The following SCFD2 variants were observed in gnomAD, a reference collection of about 807,000 sequenced individuals.
SCFD2 encodes sec1 family domain-containing protein 2.
A neutral mutation model predicts 58.9 loss-of-function variants in SCFD2; 54 were observed. The observed-to-expected ratio is 0.92, with a 90% CI of 0.74 to 1.15. The LOEUF (loss-of-function observed/expected upper bound fraction) is 1.15, where lower values mean the gene tolerates loss of function less well. Among genes scored for constraint, SCFD2 ranks in the 50% most tolerant of loss-of-function variants. The probability of loss-of-function intolerance (pLI) is 0.00; values close to 1 mark genes in which losing one functional copy is unlikely to be tolerated. For synonymous variants in SCFD2, 321 were observed against 335.9 expected (o/e 0.96, Z 0.49); for missense variants, 805 against 836.6 (o/e 0.96, Z 0.47).
At chr4:53,092,576 T>A (rs1724505314) in intron 5 of SCFD2, among the ~76,000 whole-genome samples, 1 of 152,054 alleles carries the variant, frequency 6.6e-6, no homozygotes, top group Non-Finnish European at 1.5e-5. Flanking sequence ...TTAAACAAAC[T>A]GTGCTACATA....
chr4:53,165,318 T>C (rs964587134), intron 4 of SCFD2, among the ~76,000 whole-genome samples: 3 of 152,190 alleles, frequency 2.0e-5, no homozygotes, highest in Admixed American at 6.5e-5. Flanking sequence ...TTTTGGAATA[T>C]TGAATCCTTG....
chr4:53,071,824 G>A (rs1723825355), intron 5 of SCFD2, among the ~76,000 whole-genome samples: 1 of 151,776 alleles, frequency 6.6e-6, no homozygotes, highest in Non-Finnish European at 1.5e-5. Context: ...TCTAAAAGGG[G>A]GATTTTATTC....
intron 8 of SCFD2, among the ~76,000 whole-genome samples, chr4:52,881,550 G>A (rs1718610069): frequency 6.6e-6 from 1 of 152,186 alleles, no homozygotes; most frequent in African/African-American, 2.4e-5. Flanking sequence ...AGCAGATCAT[G>A]TTTTTGCTTT....
At chr4:52,877,816 T>G (rs550208016) in intron 8 of SCFD2, among the ~76,000 whole-genome samples, 2 of 152,276 alleles carry the variant, frequency 1.3e-5, no homozygotes, top group Admixed American at 6.5e-5. Context: ...TTAAAATCCC[T>G]GCAGCTTCAT....
At chr4:52,990,118 T>C (rs1035673342) in intron 5 of SCFD2, among the ~76,000 whole-genome samples, 1 of 152,236 alleles carries the variant, frequency 6.6e-6, no homozygotes, top group African/African-American at 2.4e-5. Context: ...ATTTACTATC[T>C]TTTTAGAAGG....
At chr4:52,908,770 G>A (rs1199753085) in intron 6 of SCFD2, among the ~76,000 whole-genome samples, 6 of 152,068 alleles carry the variant, frequency 3.9e-5, no homozygotes, top group African/African-American at 1.4e-4. Flanking sequence ...CATTCAGCAG[G>A]AATATAGTTG....
At chr4:53,054,899 C>T (rs1379520338) in intron 5 of SCFD2, among the ~76,000 whole-genome samples, 1 of 152,172 alleles carries the variant, frequency 6.6e-6, no homozygotes, top group Non-Finnish European at 1.5e-5. Flanking sequence ...AGCAATCTGT[C>T]CACTTCGGCC....
intron 4 of SCFD2, among the ~76,000 whole-genome samples, chr4:53,199,847 T>A (rs971630448): frequency 1.3e-5 from 2 of 152,082 alleles, no homozygotes; most frequent in African/African-American, 4.8e-5. Context: ...GGTGTCAGTA[T>A]GACCAGGTTC....
chr4:53,026,434 A>C (rs1205362520), intron 5 of SCFD2, among the ~76,000 whole-genome samples: 2 of 152,220 alleles, frequency 1.3e-5, no homozygotes, highest in African/African-American at 4.8e-5. Flanking sequence ...AGATGACTTA[A>C]CATGAGATAA....
chr4:52,876,987 T>G (rs978863383), intron 8 of SCFD2, among the ~76,000 whole-genome samples: 3 of 152,196 alleles, frequency 2.0e-5, no homozygotes, highest in African/African-American at 7.2e-5. Context: ...CCTCTCTGGC[T>G]GGGGTGAGGG....
Position 53,263,032 on chromosome 4 carries a change from T to C in SCFD2, c.1311+10794A>G, listed in dbSNP as rs533862857. Among the ~76,000 whole-genome samples the C allele has an allele frequency of 2.0e-5, 3 of 152,218 alleles. No homozygotes were observed. In the South Asian group the frequency reaches 6.2e-4, roughly 32 times the overall value. ...GCTCTGAAGTTCTTTCTTCTGCTTG[T>C]TCAATTTTATTGCTGAGACTTTCCA... On this transcript the variant is annotated intron_variant, in intron 4 of 8. Transcript: ENST00000401642.
chr4:52,937,167 G>A (rs1222550908), intron 5 of SCFD2, among the ~76,000 whole-genome samples: 2 of 152,226 alleles, frequency 1.3e-5, no homozygotes, highest in African/African-American at 2.4e-5. Flanking sequence ...AAACACTACA[G>A]ATACCTGGGG....
chr4:53,049,459 C>T (rs150054949), intron 5 of SCFD2, among the ~76,000 whole-genome samples: 238 of 152,288 alleles, frequency 1.6e-3, no homozygotes, highest in African/African-American at 5.7e-3. Flanking sequence ...CTTATTTAGT[C>T]GTCACAACAG....
intron 4 of SCFD2, among the ~76,000 whole-genome samples, chr4:53,254,494 TTTTG>T (rs1221111292): frequency 2.0e-5 from 3 of 151,864 alleles, no homozygotes; most frequent in African/African-American, 7.3e-5. Flanking sequence ...TTCTTTTTTT[TTTTG>T]TTTTATTTTA....
chr4:53,277,064 T>C (rs1489485657), intron 3 of SCFD2, among the ~76,000 whole-genome samples: 1 of 152,204 alleles, frequency 6.6e-6, no homozygotes, highest in African/African-American at 2.4e-5. Flanking sequence ...CTTTTATTGA[T>C]TCATTGATTC....
At chr4:52,921,501 T>TA (rs143998693) in intron 5 of SCFD2, among the ~76,000 whole-genome samples, 9,749 of 151,006 alleles carry the variant, frequency 0.065, 418 homozygotes, top group South Asian at 0.12. Context: ...ATGGATAAGT[T>TA]AAAAAAAAAT....
chr4:53,069,319 A>G (rs772638961), intron 5 of SCFD2, among the ~76,000 whole-genome samples: 13 of 152,052 alleles, frequency 8.5e-5, no homozygotes, highest in Non-Finnish European at 1.5e-4. Flanking sequence ...ACGACTCTGA[A>G]GGGAAGGATA....
chr4:53,354,415 T>G (rs1186228713), intron 1 of SCFD2, among the ~76,000 whole-genome samples: 1 of 152,234 alleles, frequency 6.6e-6, no homozygotes. Context: ...CACACTGGCC[T>G]GCCAGCGCCG....
At chr4:52,984,010 T>C (rs1294426115) in intron 5 of SCFD2, among the ~76,000 whole-genome samples, 2 of 152,196 alleles carry the variant, frequency 1.3e-5, no homozygotes, top group African/African-American at 4.8e-5. Flanking sequence ...AGTTTTTGAC[T>C]GAGTAAATAG....
Sources: gnomAD v4.1 joint callset for allele counts (sites outside exome capture counted in the v4.1 genomes callset) on GRCh38, gnomAD v4.1.1 for gene constraint, MANE v1.5 for transcripts, NCBI Gene and HGNC (gene_info 2026-07-23, HGNC 2026-07-21) for gene names.